Variants in PKD2 observed in about 807,000 individuals in gnomAD.
The protein encoded by PKD2 is polycystin 2, transient receptor potential cation channel.
In PKD2, 48 loss-of-function variants were observed where a neutral mutation model predicts 105.9. That is an observed-to-expected ratio of 0.45 (90% CI 0.36 to 0.58). The LOEUF (loss-of-function observed/expected upper bound fraction) is 0.58. Among genes scored for constraint, PKD2 ranks in the 20% least tolerant of loss-of-function variants. The pLI is 0.00. For missense variants in PKD2, 1,078 were observed against 1,255.3 expected (o/e 0.86, Z 2.13); for synonymous variants, 464 against 481.1 (o/e 0.96, Z 0.46).
intron 9 of PKD2, among the ~76,000 whole-genome samples, chr4:88,059,240 A>G (rs906327108): frequency 6.6e-6 from 1 of 152,084 alleles, no homozygotes; most frequent in African/African-American, 2.4e-5. Flanking sequence ...ATATCATTCA[A>G]GTTCATATGT....
Position 88,008,458 on chromosome 4 carries a change from G to A in PKD2, c.595+130G>A, listed in dbSNP as rs1285430799. 6 of 1,192,020 alleles carry A rather than the reference G, an allele frequency of 5.0e-6. No homozygotes were observed. The Admixed American group carries it at 1.8e-4, about 35-fold the overall frequency. The allele number at this position is 1,192,020 out of a possible 1,614,324, so 73.8% of individuals were successfully genotyped here. ...CCTCTGCGTTCCGCCTCCCTTGGAA[G>A]CGCATTCCCCACCTCCGCTAGTGCT... On this transcript the variant is annotated intron_variant, in intron 1 of 14. Coordinates refer to ENST00000237596, the MANE Select transcript of PKD2 (RefSeq NM_000297.4).
chr4:88,067,478 T>G (rs914848699), intron 12 of PKD2, among the ~76,000 whole-genome samples: 1 of 152,100 alleles, frequency 6.6e-6, no homozygotes, highest in Non-Finnish European at 1.5e-5. Flanking sequence ...ACTGCAGGCA[T>G]GCATCACCAT....
chr4:88,030,324 A>T (rs1035968775), intron 2 of PKD2, among the ~76,000 whole-genome samples: 1 of 151,982 alleles, frequency 6.6e-6, no homozygotes, highest in Admixed American at 6.6e-5. Flanking sequence ...TGTTGTAGAA[A>T]TGAGGTCTCA....
intron 1 of PKD2, among the ~76,000 whole-genome samples, chr4:88,011,901 G>A (rs549557957): frequency 1.4e-5 from 2 of 147,478 alleles, no homozygotes; most frequent in South Asian, 2.2e-4. Context: ...AATGGGGGGG[G>A]GGGGGAGGGG....
Position 88,056,153 on chromosome 4 carries a change from A to G in PKD2, c.1784A>G (p.Lys595Arg). ...QLSTTMSRCA[K>R]DLFGFAIMFF... ...TCGACAACCATGTCTCGATGTGCCA[A>G]AGACCTGTTTGGCTTTGCTATTATG... Residue 595 changes from lysine (K) to arginine (R), a missense_variant, in exon 8 of 15, where the codon AAA (lysine) becomes AGA (arginine). Transcript: ENST00000237596. 6.2e-7 allele frequency: 1 copy of G among 1,613,664 alleles called. No homozygotes were observed. The highest frequency in any genetic ancestry group is 8.5e-7 in the Non-Finnish European group (1 of 1,179,578).
chr4:88,067,434 G>A (rs1008731690), intron 12 of PKD2, among the ~76,000 whole-genome samples: 2 of 152,008 alleles, frequency 1.3e-5, no homozygotes, highest in Non-Finnish European at 2.9e-5. Context: ...GTGATCTTCC[G>A]ACCTCAACCT....
chr4:88,065,512 C>T lies in PKD2; in HGVS notation c.2240+17C>T. 2.5e-6 allele frequency: 4 copies of T among 1,612,824 alleles called. No individual in the cohort carries two copies. The highest frequency in any genetic ancestry group is 3.4e-6 in the Non-Finnish European group (4 of 1,179,004). ...TCTCAAAGGGTGAGAATCATGCTTC[C>T]TGAGGTTCTGAAAAATTCCTGCTTC... On this transcript the variant is annotated intron_variant, in intron 11 of 14. Coordinates refer to ENST00000237596, the MANE Select transcript of PKD2 (RefSeq NM_000297.4).
At chr4:88,018,092 C>T (rs1366260879) in intron 1 of PKD2, among the ~76,000 whole-genome samples, 1 of 152,178 alleles carries the variant, frequency 6.6e-6, no homozygotes, top group Non-Finnish European at 1.5e-5. Context: ...CTGCTTGCTG[C>T]ATTTCTTCTG....
At chr4:88,041,403 A>G (rs1471034011) in intron 4 of PKD2, among the ~76,000 whole-genome samples, 2 of 152,128 alleles carry the variant, frequency 1.3e-5, no homozygotes, top group African/African-American at 4.8e-5. Flanking sequence ...AGGTTCAGTG[A>G]TTCACTAGAA....
In PKD2 at chr4:88,070,548, GTTAT is replaced by G. The variant is rs1296373655; in HGVS notation, c.2522+2510_2522+2513del. On this transcript the variant is annotated intron_variant, in intron 13 of 14. Coordinates refer to ENST00000237596, the MANE Select transcript of PKD2 (RefSeq NM_000297.4). Reference sequence around the variant, plus strand: ...CTTAAATCTCTGTTGAGCTCCTCTAGTTATTTATTTATTTATTTATTTATTTTAT... The same window carrying G: ...CTTAAATCTCTGTTGAGCTCCTCTAGTTATTTATTTATTTATTTATTTTAT... Among the ~76,000 whole-genome samples the G allele has an allele frequency of 2.4e-3, 315 of 133,442 alleles. 1 individual carries two copies. Among genetic ancestry groups the G allele is most frequent in the Middle Eastern group, 0.022 (5 of 228 alleles). 87.5% of individuals were successfully genotyped at this position (133,442 alleles called of 152,430 possible).
intron 10 of PKD2, 72 bp downstream of exon 10, chr4:88,062,076 C>A (rs1383283513): frequency 5.0e-6 from 4 of 798,160 alleles, no homozygotes; most frequent in Non-Finnish European, 9.1e-6. Flanking sequence ...CCCAGATTTT[C>A]AAATCAACAT....
At chr4:88,016,887 G>T (rs1177121523) in intron 1 of PKD2, among the ~76,000 whole-genome samples, 2 of 151,866 alleles carry the variant, frequency 1.3e-5, no homozygotes, top group African/African-American at 4.8e-5. Context: ...GATTGTTTGA[G>T]CCCGGGTGGT....
intron 2 of PKD2, among the ~76,000 whole-genome samples, chr4:88,032,074 T>A (rs1727178923): frequency 6.6e-6 from 1 of 152,168 alleles, no homozygotes; most frequent in South Asian, 2.1e-4. Flanking sequence ...TTAGTAAGAG[T>A]CTAAACCATT....
In PKD2 at chr4:88,025,526, A is replaced by T. The variant is rs193089972; in HGVS notation, c.709+5955A>T. On this transcript the variant is annotated intron_variant, in intron 2 of 14. Transcript: ENST00000237596. Reference sequence around the variant, plus strand: ...CTACTCAGGAGGCTGAGGCAAGAGGATGACTTGAGTCTGGAAGATGGAGAC... The same window carrying T: ...CTACTCAGGAGGCTGAGGCAAGAGGTTGACTTGAGTCTGGAAGATGGAGAC... 2.5e-3 allele frequency among the ~76,000 whole-genome samples: 372 copies of T among 151,764 alleles called. 3 individuals are homozygous for T. The highest frequency in any genetic ancestry group is 8.6e-3 in the African/African-American group (357 of 41,392).
At chr4:88,040,300 C>A (rs1727511255) in intron 4 of PKD2, among the ~76,000 whole-genome samples, 1 of 152,148 alleles carries the variant, frequency 6.6e-6, no homozygotes, top group Non-Finnish European at 1.5e-5. Context: ...GCTCTCAGCT[C>A]CCCATCAGTA....
In PKD2 at chr4:88,007,763, G is replaced by A; in HGVS notation, c.30G>A (p.Gln10=). Residue 10 remains glutamine (Q), a synonymous_variant, in exon 1 of 15, where the codon CAG becomes CAA. Coordinates refer to ENST00000237596, the MANE Select transcript of PKD2 (RefSeq NM_000297.4). ...TGAACTCCAGTCGCGTGCAGCCTCA[G>A]CAGCCCGGGGACGCCAAGCGGCCGC... The part of the protein sequence containing the change: MVNSSRVQP[Q]QPGDAKRPPA... 1 of 1,194,802 alleles carries A rather than the reference G, an allele frequency of 8.4e-7. No individual in the cohort carries two copies. The highest frequency in any genetic ancestry group is 1.0e-6 in the Non-Finnish European group (1 of 953,552). The allele number at this position is 1,194,802 out of a possible 1,614,324, so 74.0% of individuals were successfully genotyped here. A position where few individuals can be genotyped will look rare whatever the true frequency, so the allele number is the denominator to read the frequency against.
chr4:88,053,944 T>TA (rs1720212561), intron 7 of PKD2, among the ~76,000 whole-genome samples: 1 of 152,158 alleles, frequency 6.6e-6, no homozygotes, highest in Admixed American at 6.5e-5. Context: ...TATTTAATCT[T>TA]ACTTAATTTA....
At chr4:88,055,715 A>G (rs978881629) in intron 7 of PKD2, among the ~76,000 whole-genome samples, 2 of 150,718 alleles carry the variant, frequency 1.3e-5, no homozygotes, top group Admixed American at 6.6e-5. Flanking sequence ...ATTCAGTGGC[A>G]TTAAGTACAT....
chr4:88,058,012 A>G lies in PKD2; in HGVS notation c.1928A>G (p.Asp643Gly), dbSNP rs1217782494. 6.3e-7 allele frequency: 1 copy of G among 1,595,082 alleles called. No homozygotes were observed. Among genetic ancestry groups the G allele is most frequent in the Non-Finnish European group, 8.6e-7 (1 of 1,162,772 alleles). ...ACTCAATTCCGTATCATTTTGGGCG[A>G]TATCAACTTTGCAGAGATTGAGGAA... ...IFTQFRIILG[D>G]INFAEIEEAN... The change falls in exon 9 of 15, where the codon GAT becomes GGT. Residue 643 changes from aspartate to glycine, a missense_variant. Asp to Gly is a moderately conservative substitution (Grantham distance 94, BLOSUM62 -1). Coordinates refer to ENST00000237596, the MANE Select transcript of PKD2 (RefSeq NM_000297.4).
Sources: allele counts gnomAD v4.1 joint callset (sites outside exome capture counted in the v4.1 genomes callset), GRCh38; gene constraint gnomAD v4.1.1; transcripts MANE v1.5; gene names NCBI Gene and HGNC (gene_info 2026-07-23, HGNC 2026-07-21).